Variants in KCTD13 observed in about 807,000 individuals in gnomAD.
The protein encoded by KCTD13 is potassium channel tetramerization domain containing 13.
A neutral mutation model predicts 32.3 loss-of-function variants in KCTD13; 15 were observed. The ratio of observed to expected loss-of-function variants is 0.46; its 90% CI spans 0.31 to 0.71. KCTD13 has a LOEUF of 0.71. Among genes scored for constraint, KCTD13 ranks in the 30% least tolerant of loss-of-function variants. The pLI is 0.05. For missense variants in KCTD13, 337 were observed against 452.6 expected, an observed-to-expected ratio of 0.74 and a Z score of 2.32; for synonymous variants, 189 against 200.1, an observed-to-expected ratio of 0.94 and a Z score of 0.47.
rs557388108 is a variant in KCTD13 at position 29,918,925 on chromosome 16, TGG to T, written c.414+4263_414+4264del. On this transcript the variant is annotated intron_variant, in intron 2 of 5. Coordinates refer to ENST00000568000, the MANE Select transcript of KCTD13 (RefSeq NM_178863.5). ...CACCTGCCTCAGCCTCCCAAAGTGCTGGGATTACAGGCATGAGCCACCGCACC... is the reference window on the plus strand; with the variant it reads ...CACCTGCCTCAGCCTCCCAAAGTGCTGATTACAGGCATGAGCCACCGCACC... Among the ~76,000 whole-genome samples, 360 of 152,316 alleles carry T rather than the reference TGG, an allele frequency of 2.4e-3. 1 individual carries two copies. The highest frequency in any genetic ancestry group is 8.4e-3 in the African/African-American group (348 of 41,564).
At chr16:29,918,649 T>TTTTATTTA (rs935758006) in intron 2 of KCTD13, among the ~76,000 whole-genome samples, 1 of 151,676 alleles carries the variant, frequency 6.6e-6, no homozygotes, top group African/African-American at 2.4e-5. Context: ...TTTTGTAATT[T>TTTTATTTA]TTTATTTATT....
chr16:29,915,617 AAAG>A (rs977655860), intron 2 of KCTD13, among the ~76,000 whole-genome samples: 1 of 152,028 alleles, frequency 6.6e-6, no homozygotes, highest in Admixed American at 6.6e-5. Flanking sequence ...AAAAAAAAAA[AAAG>A]AAAAGAAAAA....
At chr16:29,917,463 A>G (rs1407775211) in intron 2 of KCTD13, among the ~76,000 whole-genome samples, 1 of 152,082 alleles carries the variant, frequency 6.6e-6, no homozygotes, top group East Asian at 1.9e-4. Context: ...CTTGACCAAC[A>G]TGGCAAAACC....
At chr16:29,925,586 G>C in intron 1 of KCTD13, 1 of 608,420 alleles carries the variant, frequency 1.6e-6, no homozygotes, top group Non-Finnish European at 2.9e-6. Context: ...TTATTGCTGG[G>C]GGTAAAGGAT....
chr16:29,926,039 G>A lies in KCTD13; in HGVS notation c.-6C>T, dbSNP rs1334924698. The A allele has an allele frequency of 6.6e-7, 1 of 1,506,334 alleles. No individual in the cohort carries two copies. The highest frequency in any genetic ancestry group is 2.4e-5 in the East Asian group (1 of 41,678). 93.3% of individuals were successfully genotyped at this position (1,506,334 alleles called of 1,614,324 possible). On this transcript the variant is annotated 5_prime_UTR_variant, in exon 1 of 6. Transcript: ENST00000568000. ...CCCGAGGCCTCCGCCGACATGCCGG[G>A]TAGCAGCGGCGGACGGCGATCCCAG...
intron 2 of KCTD13, chr16:29,922,822 AT>A (rs1199387934): frequency 7.4e-6 from 3 of 403,764 alleles, no homozygotes; most frequent in Non-Finnish European, 1.3e-5. Flanking sequence ...TTCAATTTAA[AT>A]TTAGATGTTT....
At chr16:29,912,131 G>C in intron 2 of KCTD13, 82 bp from the exon 3 acceptor site, 1 of 937,894 alleles carries the variant, frequency 1.1e-6, no homozygotes, top group Non-Finnish European at 1.7e-6. Context: ...AAGCTGGTTG[G>C]GAACAACTCC....
At chr16:29,908,214 G>T (rs1324267047) in intron 5 of KCTD13, among the ~76,000 whole-genome samples, 1 of 152,060 alleles carries the variant, frequency 6.6e-6, no homozygotes, top group East Asian at 1.9e-4. Flanking sequence ...TGGGTCAGGA[G>T]TGCACCCAGT....
chr16:29,912,302 GCTT>G (rs773798710), intron 2 of KCTD13: 2 of 557,140 alleles, frequency 3.6e-6, no homozygotes, highest in South Asian at 4.7e-5. Context: ...TGCCCGGGAT[GCTT>G]CTTTGCTCAG....
chr16:29,926,132 G>C lies in KCTD13; in HGVS notation c.-99C>G. ...CGGCCCCCAGCCCTTGGGCCAGACC[G>C]CTCGGCGCACACGCCCACTCACCGC... On this transcript the variant is annotated 5_prime_UTR_variant, in exon 1 of 6. Transcript: ENST00000568000. 2.3e-6 allele frequency: 3 copies of C among 1,317,506 alleles called. No individual in the cohort carries two copies. Among genetic ancestry groups the C allele is most frequent in the Non-Finnish European group, 3.0e-6 (3 of 1,011,542 alleles). The allele number at this position is 1,317,506 out of a possible 1,614,324, so 81.6% of individuals were successfully genotyped here.
chr16:29,918,928 G>C lies in KCTD13; in HGVS notation c.414+4262C>G, dbSNP rs544181712. 2.4e-3 allele frequency among the ~76,000 whole-genome samples: 360 copies of C among 152,248 alleles called. 1 individual carries two copies. Among genetic ancestry groups the C allele is most frequent in the African/African-American group, 8.4e-3 (348 of 41,530 alleles). On this transcript the variant is annotated intron_variant, in intron 2 of 5. Coordinates refer to ENST00000568000, the MANE Select transcript of KCTD13 (RefSeq NM_178863.5). Reference sequence around the variant, plus strand: ...CTGCCTCAGCCTCCCAAAGTGCTGGGATTACAGGCATGAGCCACCGCACCT... The same window carrying C: ...CTGCCTCAGCCTCCCAAAGTGCTGGCATTACAGGCATGAGCCACCGCACCT...
intron 1 of KCTD13, 28 bp downstream of exon 1, chr16:29,925,762 G>A (rs1449517045): frequency 4.4e-6 from 7 of 1,600,290 alleles, no homozygotes; most frequent in African/African-American, 1.4e-5. Flanking sequence ...GGTCTGGGGT[G>A]GGGGCACGGT....
chr16:29,906,815 G>C lies in KCTD13; in HGVS notation c.*57C>G. The C allele has an allele frequency of 6.7e-7, 1 of 1,486,966 alleles. No homozygotes were observed. Among genetic ancestry groups the C allele is most frequent in the Non-Finnish European group, 9.3e-7 (1 of 1,073,298 alleles). The allele number at this position is 1,486,966 out of a possible 1,614,324, so 92.1% of individuals were successfully genotyped here. A position where few individuals can be genotyped will look rare whatever the true frequency, so the allele number is the denominator to read the frequency against. Reference sequence around the variant, plus strand: ...CGGGGCAAAAGTCTGGGAAGGGGAGGGAAAGAGAGAGGGACTGGGTCCCAA... The same window carrying C: ...CGGGGCAAAAGTCTGGGAAGGGGAGCGAAAGAGAGAGGGACTGGGTCCCAA... On this transcript the variant is annotated 3_prime_UTR_variant, in exon 6 of 6. Coordinates refer to ENST00000568000, the MANE Select transcript of KCTD13 (RefSeq NM_178863.5).
chr16:29,922,272 A>G (rs1401201354), intron 2 of KCTD13: 1 of 152,170 alleles, frequency 6.6e-6, no homozygotes, highest in Non-Finnish European at 1.5e-5. Flanking sequence ...AAGAACCAGT[A>G]AGTATTCCCT....
intron 2 of KCTD13, chr16:29,920,520 C>T (rs1451864041): frequency 6.6e-6 from 1 of 151,780 alleles, no homozygotes; most frequent in South Asian, 2.1e-4. Flanking sequence ...AGGAACTAAA[C>T]TAAAATATGC....
chr16:29,913,775 T>C (rs1390138161), intron 2 of KCTD13: 1 of 152,268 alleles, frequency 6.6e-6, no homozygotes, highest in Admixed American at 6.5e-5. Context: ...CCTCGCAGCA[T>C]GGCAACTGGC....
chr16:29,915,739 C>T lies in KCTD13; in HGVS notation c.415-3690G>A, dbSNP rs750442035. On this transcript the variant is annotated intron_variant, in intron 2 of 5. Transcript: ENST00000568000. ...TCAGAAGCGTGATTATTATTTCATT[C>T]GACTGGAAGTCCCCTCTGAGGCATC... 5.9e-5 allele frequency among the ~76,000 whole-genome samples: 9 copies of T among 152,240 alleles called. 1 individual carries two copies. The highest frequency in any genetic ancestry group is 3.3e-4 in the Admixed American group (5 of 15,288).
chr16:29,913,278 C>A (rs2068748802), intron 2 of KCTD13: 1 of 151,996 alleles, frequency 6.6e-6, no homozygotes. Context: ...GAGGAAAGGC[C>A]GACCCTGCCA....
chr16:29,924,226 A>G (rs996258309), intron 1 of KCTD13, among the ~76,000 whole-genome samples: 2 of 152,172 alleles, frequency 1.3e-5, no homozygotes, highest in Non-Finnish European at 2.9e-5. Flanking sequence ...CAAAGCCACA[A>G]AAAAGTCTGA....
Sources: gnomAD v4.1 joint callset for allele counts (sites outside exome capture counted in the v4.1 genomes callset) on GRCh38, gnomAD v4.1.1 for gene constraint, MANE v1.5 for transcripts, NCBI Gene and HGNC (gene_info 2026-07-23, HGNC 2026-07-21) for gene names.